Variants in KCNA1 observed in about 807,000 individuals in gnomAD.
KCNA1 encodes the protein potassium channel, voltage gated shaker related subfamily A, member 1.
Under a neutral mutation model 28.8 loss-of-function variants are expected in KCNA1, and 19 were observed. The ratio of observed to expected loss-of-function variants is 0.66; its 90% CI spans 0.46 to 0.97. The LOEUF (loss-of-function observed/expected upper bound fraction) is 0.97. Among genes scored for constraint, KCNA1 ranks in the 50% least tolerant of loss-of-function variants. The probability of loss-of-function intolerance (pLI) is 0.00; values close to 1 mark genes in which losing one functional copy is unlikely to be tolerated. For missense variants in KCNA1, 419 were observed against 659.7 expected (o/e 0.64, Z 4.00); for synonymous variants, 311 against 268.8 (o/e 1.16, Z -1.53).
In KCNA1 at chr12:4,911,958, G is replaced by A. The variant is rs1299794605; in HGVS notation, c.580G>A (p.Asp194Asn). 6.2e-7 allele frequency: 1 copy of A among 1,613,972 alleles called. No individual in the cohort carries two copies. Among genetic ancestry groups the A allele is most frequent in the East Asian group, 2.2e-5 (1 of 44,858 alleles). Reference sequence around the variant, plus strand: ...CCTGGAGACGCTCCCCGAGCTGAAGGATGACAAGGACTTCACGGGCACCGT... The same window carrying A: ...CCTGGAGACGCTCCCCGAGCTGAAGAATGACAAGGACTTCACGGGCACCGT... ...FCLETLPELKDDKDFTGTVHR... is the reference protein window; with the variant it reads ...FCLETLPELKNDKDFTGTVHR... Residue 194 changes from aspartate (D) to asparagine (N), a missense_variant, in exon 2 of 2, where the codon GAT (aspartate) becomes AAT (asparagine). This residue lies in a region of KCNA1 where 217 missense variants were observed against 329.6 expected (regional missense o/e 0.66). Transcript: ENST00000382545. This position sits in a 1 kb window ranked among gnomAD's most constrained non-coding sequence, Gnocchi z 6.6.
At position 4,911,421 on chromosome 12, in the gene KCNA1, GCCCCGGGCCA is replaced by G; in HGVS notation, c.48_57del (p.Gly17ArgfsTer21). The G allele has an allele frequency of 1.2e-6, 2 of 1,613,136 alleles. No individual in the cohort carries two copies. Among genetic ancestry groups the G allele is most frequent in the Non-Finnish European group, 1.7e-6 (2 of 1,179,788 alleles). ...GGAGAACGTGGACGAGGCTTCGGCC[GCCCCGGGCCA>G]CCCCCAGGATGGCAGCTACCCCCGG... On this transcript the variant is annotated frameshift_variant, in exon 2 of 2. Transcript: ENST00000382545. LOFTEE classifies it high-confidence loss of function. This position sits in a 1 kb window ranked among gnomAD's most constrained non-coding sequence, Gnocchi z 6.6.
chr12:4,916,410 A>G lies in KCNA1; in HGVS notation c.*3544A>G, dbSNP rs1414688262. ...CATCCCAGAATCTCTGAAGTGGTTA[A>G]CTCACCTGAAGTGATCTGAATCAGA... On this transcript the variant is annotated 3_prime_UTR_variant, in exon 2 of 2. Coordinates refer to ENST00000382545, the MANE Select transcript of KCNA1 (RefSeq NM_000217.3). The G allele has an allele frequency of 6.0e-6, 1 of 167,094 alleles. No individual in the cohort carries two copies. The allele number at this position is 167,094 out of a possible 1,614,324, so 10.4% of individuals were successfully genotyped here.
chr12:4,912,599 T>C lies in KCNA1; in HGVS notation c.1221T>C (p.Ile407=), dbSNP rs138936640. Residue 407 remains isoleucine, a synonymous_variant, in exon 2 of 2, where the codon ATT becomes ATC. Coordinates refer to ENST00000382545, the MANE Select transcript of KCNA1 (RefSeq NM_000217.3). ...CAATTGCCCTGCCCGTACCTGTCAT[T>C]GTGTCCAATTTCAACTATTTCTACC... ...VLTIALPVPV[I]VSNFNYFYHR... is the part of the protein sequence containing the mutation. The C allele has an allele frequency of 6.8e-6, 11 of 1,613,366 alleles. No individual in the cohort carries two copies. The highest frequency in any genetic ancestry group is 4.0e-5 in the African/African-American group (3 of 74,640).
rs1222837086 is a variant in KCNA1 at position 4,912,808 on chromosome 12, A to G, written c.1430A>G (p.Asn477Ser). ...AGACAGGTCAATATCAGAACTGCCA[A>G]TTGCACCACTGCTAACCAAAACTGC... ...HYRQVNIRTA[N>S]CTTANQNCVN... The change falls in exon 2 of 2, where the codon AAT (asparagine) becomes AGT (serine). Residue 477 changes from asparagine (N) to serine (S), a missense_variant. Asn to Ser is a conservative substitution (Grantham distance 46, BLOSUM62 1). This residue lies in a region of KCNA1 where 81 missense variants were observed against 86.5 expected (regional missense o/e 0.94). Transcript: ENST00000382545. 13 of 1,614,178 alleles carry G rather than the reference A, an allele frequency of 8.1e-6. No homozygotes were observed. The highest frequency in any genetic ancestry group is 1.6e-4 in the Middle Eastern group (1 of 6,062).
Position 4,911,271 on chromosome 12 carries a change from C to A in KCNA1, c.-108C>A. ...CACCTCCCCCTGGGCGTGAGGGAGA[C>A]GCGCGCTCCGGTGGGGGGGCCGCTT... On this transcript the variant is annotated 5_prime_UTR_variant, in exon 2 of 2. Coordinates refer to ENST00000382545, the MANE Select transcript of KCNA1 (RefSeq NM_000217.3). The surrounding 1 kb of genome is among the most constrained non-coding windows in gnomAD (Gnocchi z 6.6). The A allele has an allele frequency of 1.3e-6, 1 of 798,626 alleles. No individual in the cohort carries two copies. 49.5% of individuals were successfully genotyped at this position (798,626 alleles called of 1,614,324 possible).
At position 4,910,919 on chromosome 12, in the gene KCNA1, G is replaced by C. The variant is rs1466545712; in HGVS notation, c.-460G>C. 1 of 194,432 alleles carries C rather than the reference G, an allele frequency of 5.1e-6. No individual in the cohort carries two copies. Among genetic ancestry groups the C allele is most frequent in the Non-Finnish European group, 1.1e-5 (1 of 94,734 alleles). 12.0% of individuals were successfully genotyped at this position (194,432 alleles called of 1,614,324 possible). A position where few individuals can be genotyped will look rare whatever the true frequency, so the allele number is the denominator to read the frequency against. ...GAGGGGGGAGAGCCGAGGAGAAGCA[G>C]AGAGGGTGGCAGGCGTGGGGATCTG... On this transcript the variant is annotated 5_prime_UTR_variant, in exon 2 of 2. Transcript: ENST00000382545. The surrounding 1 kb of genome is among the most constrained non-coding windows in gnomAD (Gnocchi z 4.9).
chr12:4,912,647 G>T lies in KCNA1; in HGVS notation c.1269G>T (p.Glu423Asp), dbSNP rs1204810478. The change falls in exon 2 of 2, where the codon GAG becomes GAT. Residue 423 changes from glutamate (E) to aspartate (D), a missense_variant. Glu to Asp is a conservative substitution (Grantham distance 45). Around this residue, in one of 4 missense-constraint regions of KCNA1, gnomAD observed 54 missense variants for 186.4 expected, o/e 0.29. Transcript: ENST00000382545. The stretch of plus-strand genomic sequence containing the variant: ...ACCACCGAGAAACTGAGGGGGAAGA[G>T]CAGGCTCAGTTGCTCCACGTCAGTT... ...YFYHRETEGE[E>D]QAQLLHVSSP... The T allele has an allele frequency of 1.2e-6, 2 of 1,612,978 alleles. No homozygotes were observed. The highest frequency in any genetic ancestry group is 1.7e-6 in the Non-Finnish European group (2 of 1,179,950).
rs34346629 is a variant in KCNA1, at chr12:4,910,895, A to AG, written c.-478dup. ...AAGGCGGCAGGCGAAGAGGGGTAGG[A>AG]GGGGGGAGAGCCGAGGAGAAGCAGA... On this transcript the variant is annotated 5_prime_UTR_variant, in exon 2 of 2. Transcript: ENST00000382545. This position sits in a 1 kb window ranked among gnomAD's most constrained non-coding sequence, Gnocchi z 4.9. 9.2e-3 allele frequency: 1,682 copies of AG among 183,470 alleles called. 43 individuals carry two copies. Among genetic ancestry groups the AG allele is most frequent in the African/African-American group, 0.038 (1,579 of 41,172 alleles). The allele number at this position is 183,470 out of a possible 1,614,324, so 11.4% of individuals were successfully genotyped here.
At position 4,917,557 on chromosome 12, in the gene KCNA1, G is replaced by C. The variant is rs1306164112; in HGVS notation, c.*4691G>C. The C allele has an allele frequency of 1.2e-5, 2 of 167,104 alleles. No individual in the cohort carries two copies. The highest frequency in any genetic ancestry group is 4.8e-5 in the African/African-American group (2 of 41,452). 10.4% of individuals were successfully genotyped at this position (167,104 alleles called of 1,614,324 possible). A position where few individuals can be genotyped will look rare whatever the true frequency, so the allele number is the denominator to read the frequency against. Reference sequence around the variant, plus strand: ...AAATGACCCTGGGCTTTCTTGGGAAGTCCAGCATGTATGTAAGGGGTGAGG... The same window carrying C: ...AAATGACCCTGGGCTTTCTTGGGAACTCCAGCATGTATGTAAGGGGTGAGG... On this transcript the variant is annotated 3_prime_UTR_variant, in exon 2 of 2. Transcript: ENST00000382545.
rs1947384120 is a variant in KCNA1 at position 4,916,069 on chromosome 12, G to A, written c.*3203G>A. 1 of 167,140 alleles carries A rather than the reference G, an allele frequency of 6.0e-6. No homozygotes were observed. Among genetic ancestry groups the A allele is most frequent in the African/African-American group, 2.4e-5 (1 of 41,460 alleles). The allele number at this position is 167,140 out of a possible 1,614,324, so 10.4% of individuals were successfully genotyped here. A position where few individuals can be genotyped will look rare whatever the true frequency, so the allele number is the denominator to read the frequency against. The stretch of plus-strand genomic sequence containing the variant: ...TATCTGTGTAGCATAGGCATGCAAT[G>A]TTTGACCAAGCTCTTACCCTCGCAC... On this transcript the variant is annotated 3_prime_UTR_variant, in exon 2 of 2. Coordinates refer to ENST00000382545, the MANE Select transcript of KCNA1 (RefSeq NM_000217.3).
rs1170150792 is a variant in KCNA1 at position 4,916,628 on chromosome 12, C to T, written c.*3762C>T. The T allele has an allele frequency of 6.0e-6, 1 of 167,064 alleles. No individual in the cohort carries two copies. Among genetic ancestry groups the T allele is most frequent in the African/African-American group, 2.4e-5 (1 of 41,442 alleles). The allele number at this position is 167,064 out of a possible 1,614,324, so 10.3% of individuals were successfully genotyped here. ...TGTTCGTGGGTGAGCCTTGCAGAAT[C>T]AGATAAACCAATAGCAAGTCCTTCT... is the stretch of plus-strand genomic sequence containing the variant. On this transcript the variant is annotated 3_prime_UTR_variant, in exon 2 of 2. Transcript: ENST00000382545.
chr12:4,912,699 C>T lies in KCNA1; in HGVS notation c.1321C>T (p.Leu441Phe). The T allele has an allele frequency of 6.2e-7, 1 of 1,612,990 alleles. No individual in the cohort carries two copies. The highest frequency in any genetic ancestry group is 8.5e-7 in the Non-Finnish European group (1 of 1,179,936). ...SSPNLASDSD[L>F]SRRSSSTMSK... ...CCCTAACTTAGCCTCTGACAGTGACCTCAGTCGCCGCAGTTCCTCTACTAT... is the reference window on the plus strand; with the variant it reads ...CCCTAACTTAGCCTCTGACAGTGACTTCAGTCGCCGCAGTTCCTCTACTAT... Residue 441 changes from leucine (L) to phenylalanine (F), a missense_variant, in exon 2 of 2, where the codon CTC becomes TTC. Physicochemically the swap from Leu to Phe is conservative, Grantham distance 22. Coordinates refer to ENST00000382545, the MANE Select transcript of KCNA1 (RefSeq NM_000217.3).
Position 4,916,068 on chromosome 12 carries a change from T to A in KCNA1, c.*3202T>A, listed in dbSNP as rs1169621409. 6.0e-6 allele frequency: 1 copy of A among 167,130 alleles called. No individual in the cohort carries two copies. Among genetic ancestry groups the A allele is most frequent in the Admixed American group, 6.5e-5 (1 of 15,286 alleles). 10.4% of individuals were successfully genotyped at this position (167,130 alleles called of 1,614,324 possible). A position where few individuals can be genotyped will look rare whatever the true frequency, so the allele number is the denominator to read the frequency against. ...TTATCTGTGTAGCATAGGCATGCAA[T>A]GTTTGACCAAGCTCTTACCCTCGCA... On this transcript the variant is annotated 3_prime_UTR_variant, in exon 2 of 2. Transcript: ENST00000382545.
rs1247938560 is a variant in KCNA1, at chr12:4,913,035, G to A, written c.*169G>A. ...TTGTTGCATTGAGGATTTTGGGGGT[G>A]GTGAACCAGAAGCTTTCAAGATCCA... On this transcript the variant is annotated 3_prime_UTR_variant, in exon 2 of 2. Transcript: ENST00000382545. 7 of 649,074 alleles carry A rather than the reference G, an allele frequency of 1.1e-5. No individual in the cohort carries two copies. Among genetic ancestry groups the A allele is most frequent in the African/African-American group, 3.7e-5 (2 of 54,196 alleles). 40.2% of individuals were successfully genotyped at this position (649,074 alleles called of 1,614,324 possible).
At position 4,911,450 on chromosome 12, in the gene KCNA1, C is replaced by A; in HGVS notation, c.72C>A (p.Tyr24Ter). ...AAPGHPQDGS[Y>*]PRQADHDDHE... ...CGGGCCACCCCCAGGATGGCAGCTACCCCCGGCAGGCCGACCACGACGACC... is the reference window on the plus strand; with the variant it reads ...CGGGCCACCCCCAGGATGGCAGCTAACCCCGGCAGGCCGACCACGACGACC... Residue 24 changes from tyrosine to a stop codon, truncating the protein, a stop_gained, in exon 2 of 2, where the codon TAC (tyrosine) becomes TAA (stop). Coordinates refer to ENST00000382545, the MANE Select transcript of KCNA1 (RefSeq NM_000217.3). LOFTEE classifies it high-confidence loss of function. This position sits in a 1 kb window ranked among gnomAD's most constrained non-coding sequence, Gnocchi z 6.6. The A allele has an allele frequency of 6.2e-7, 1 of 1,613,842 alleles. No individual in the cohort carries two copies. Among genetic ancestry groups the A allele is most frequent in the East Asian group, 2.2e-5 (1 of 44,872 alleles).
Position 4,911,910 on chromosome 12 carries a change from C to A in KCNA1, c.532C>A (p.Leu178Ile), listed in dbSNP as rs768541186. 1 of 1,614,070 alleles carries A rather than the reference C, an allele frequency of 6.2e-7. No homozygotes were observed. Among genetic ancestry groups the A allele is most frequent in the South Asian group, 1.1e-5 (1 of 91,072 alleles). ...VIAIVSVMVI[L>I]ISIVIFCLET... ...CGCCATCGTCTCCGTCATGGTCATC[C>A]TCATCTCCATCGTCATCTTTTGCCT... The change falls in exon 2 of 2, where the codon CTC (leucine) becomes ATC (isoleucine). Residue 178 changes from leucine to isoleucine, a missense_variant. Leu to Ile is a conservative substitution (Grantham distance 5). This residue lies in a region of KCNA1 where 217 missense variants were observed against 329.6 expected (regional missense o/e 0.66). Coordinates refer to ENST00000382545, the MANE Select transcript of KCNA1 (RefSeq NM_000217.3). The surrounding 1 kb of genome is among the most constrained non-coding windows in gnomAD (Gnocchi z 6.6).
At position 4,910,505 on chromosome 12, in the gene KCNA1, C is replaced by T. The variant is rs1464602319; in HGVS notation, c.-540+33C>T. Reference sequence around the variant, plus strand: ...GTTCCCCAGCTCGGGGATGCAGAAGCGGGGGTTGGGGGGACCGGGTGGGGG... The same window carrying T: ...GTTCCCCAGCTCGGGGATGCAGAAGTGGGGGTTGGGGGGACCGGGTGGGGG... On this transcript the variant is annotated intron_variant, in intron 1 of 1. Coordinates refer to ENST00000382545, the MANE Select transcript of KCNA1 (RefSeq NM_000217.3). This position sits in a 1 kb window ranked among gnomAD's most constrained non-coding sequence, Gnocchi z 4.9. 17 of 125,842 alleles carry T rather than the reference C, an allele frequency of 1.4e-4. No individual in the cohort carries two copies. The highest frequency in any genetic ancestry group is 4.8e-4 in the African/African-American group (17 of 35,400). The allele number at this position is 125,842 out of a possible 1,614,324, so 7.8% of individuals were successfully genotyped here.
rs902864232 is a variant in KCNA1, at chr12:4,909,939, C to T, written c.-1073C>T. The T allele has an allele frequency of 6.5e-6, 1 of 152,830 alleles. No homozygotes were observed. The highest frequency in any genetic ancestry group is 6.5e-5 in the Admixed American group (1 of 15,292). The allele number at this position is 152,830 out of a possible 1,614,324, so 9.5% of individuals were successfully genotyped here. The stretch of plus-strand genomic sequence containing the variant: ...CCGAGCGGACCCGCCGCCGCACGCA[C>T]CCTGCTCCACTCCAAGCTCCTAAGG... On this transcript the variant is annotated 5_prime_UTR_variant, in exon 1 of 2. Transcript: ENST00000382545.
rs1947356506 is a variant in KCNA1 at position 4,912,172 on chromosome 12, A to G, written c.794A>G (p.Tyr265Cys). 1 of 1,612,812 alleles carries G rather than the reference A, an allele frequency of 6.2e-7. No homozygotes were observed. Among genetic ancestry groups the G allele is most frequent in the Non-Finnish European group, 8.5e-7 (1 of 1,179,692 alleles). ...ATAGACATTGTGGCCATCATTCCTTATTTCATCACGCTGGGCACCGAGATA... is the reference window on the plus strand; with the variant it reads ...ATAGACATTGTGGCCATCATTCCTTGTTTCATCACGCTGGGCACCGAGATA... The part of the protein sequence containing the change: ...NFIDIVAIIP[Y>C]FITLGTEIAE... The change falls in exon 2 of 2, where the codon TAT becomes TGT. Residue 265 changes from tyrosine (Y) to cysteine (C), a missense_variant. Coordinates refer to ENST00000382545, the MANE Select transcript of KCNA1 (RefSeq NM_000217.3).
Sources: gnomAD v4.1 joint callset for allele counts on GRCh38, gnomAD v4.1.1 for gene constraint, gnomAD v4.1.1 regional missense constraint, Gnocchi (gnomAD v3.1) non-coding constraint, MANE v1.5 for transcripts, NCBI Gene and HGNC (gene_info 2026-07-23, HGNC 2026-07-21) for gene names.